Variants in SHQ1 observed in about 807,000 individuals in gnomAD.
SHQ1 encodes SHQ1, H/ACA ribonucleoprotein assembly factor, also known as protein SHQ1 homolog.
Under a neutral mutation model 53.8 loss-of-function variants are expected in SHQ1, and 49 were observed. The observed-to-expected ratio is 0.91, with a 90% CI of 0.72 to 1.16. The LOEUF is 1.16. SHQ1 is among the 50% of genes most tolerant of loss of function. The probability of loss-of-function intolerance (pLI) is 0.00; values close to 1 mark genes in which losing one functional copy is unlikely to be tolerated. For missense variants in SHQ1, 738 were observed against 683.1 expected, an observed-to-expected ratio of 1.08 and a Z score of -0.90; for synonymous variants, 243 against 251.0, an observed-to-expected ratio of 0.97 and a Z score of 0.30.
chr3:72,732,968 T>C, the SHQ1 span, among the ~76,000 whole-genome samples: 2 of 151,742 alleles, frequency 1.3e-5, 1 homozygote, highest in Non-Finnish European at 2.9e-5. Flanking sequence ...GCCCTGCTGA[T>C]ACTTGGCACC....
chr3:72,832,878 G>A (rs190464390), intron 4 of SHQ1, among the ~76,000 whole-genome samples: 4 of 152,264 alleles, frequency 2.6e-5, no homozygotes, highest in Admixed American at 2.0e-4. Context: ...ACATCTACAC[G>A]GTCTCTTCTT....
At chr3:72,739,715 A>G in the SHQ1 span, among the ~76,000 whole-genome samples, 3 of 152,260 alleles carry the variant, frequency 2.0e-5, no homozygotes, top group African/African-American at 7.2e-5. Flanking sequence ...GCTGGGAAGC[A>G]GAAGCCAAGA....
intron 8 of SHQ1, among the ~76,000 whole-genome samples, chr3:72,813,185 G>A (rs1048607187): frequency 6.6e-6 from 1 of 152,150 alleles, no homozygotes; most frequent in Non-Finnish European, 1.5e-5. Flanking sequence ...CAAAAATGTA[G>A]AACTCACCGG....
chr3:72,846,189 C>T, intron 1 of SHQ1: 1 of 1,533,050 alleles, frequency 6.5e-7, no homozygotes, highest in Non-Finnish European at 8.7e-7. Flanking sequence ...TAAATTCTTA[C>T]TGCAGAGAAA....
At chr3:72,781,067 T>C (rs1012212969) in intron 10 of SHQ1, among the ~76,000 whole-genome samples, 5 of 146,448 alleles carry the variant, frequency 3.4e-5, no homozygotes, top group African/African-American at 9.9e-5. Context: ...TTTTTTTTCT[T>C]TTTTTTTTTT....
At chr3:72,726,344 C>T in the SHQ1 span, among the ~76,000 whole-genome samples, 2 of 151,966 alleles carry the variant, frequency 1.3e-5, no homozygotes, top group Non-Finnish European at 2.9e-5. Flanking sequence ...CTCATGCTTA[C>T]GTTAGGCCCT....
chr3:72,846,381 GC>G (rs1029856520), intron 1 of SHQ1: 7 of 1,380,934 alleles, frequency 5.1e-6, no homozygotes, highest in Middle Eastern at 2.6e-4. Flanking sequence ...TGCAACCTTC[GC>G]CCCCCAGGTT....
intron 6 of SHQ1, among the ~76,000 whole-genome samples, chr3:72,817,810 TTAAAATTG>T (rs1707365639): frequency 6.6e-6 from 1 of 152,188 alleles, no homozygotes. Context: ...TATTAATCAA[TTAAAATTG>T]TTAAATTTAA....
Position 72,798,460 on chromosome 3 carries a change from C to G in SHQ1, c.1061-5424G>C, listed in dbSNP as rs115311470. ...CTTCGGGGAAAGACTAATGACAACA[C>G]AGAGAAACGTAATGACAAGATAAAG... On this transcript the variant is annotated intron_variant, in intron 9 of 10. Coordinates refer to ENST00000325599, the MANE Select transcript of SHQ1 (RefSeq NM_018130.3). Among the ~76,000 whole-genome samples the G allele has an allele frequency of 3.2e-3, 480 of 152,296 alleles. 7 individuals carry two copies. Among genetic ancestry groups the G allele is most frequent in the African/African-American group, 0.011 (452 of 41,554 alleles).
chr3:72,798,049 T>C (rs924112913), intron 9 of SHQ1, among the ~76,000 whole-genome samples: 5 of 152,188 alleles, frequency 3.3e-5, no homozygotes, highest in African/African-American at 9.6e-5. Flanking sequence ...ACGGTTCCTG[T>C]GGGGATCTAT....
At chr3:72,800,368 T>C (rs1440523647) in intron 9 of SHQ1, among the ~76,000 whole-genome samples, 2 of 152,220 alleles carry the variant, frequency 1.3e-5, no homozygotes, top group Non-Finnish European at 2.9e-5. Flanking sequence ...AGATACTTCA[T>C]ATAATTACAT....
At chr3:72,844,202 A>C (rs1389794387) in intron 2 of SHQ1, among the ~76,000 whole-genome samples, 157 bp downstream of exon 2, 4 of 152,226 alleles carry the variant, frequency 2.6e-5, no homozygotes, top group Non-Finnish European at 5.9e-5. Context: ...GGGGAACATC[A>C]ATAACAGGCA....
chr3:72,775,917 TATC>T (rs1559666344), intron 10 of SHQ1, among the ~76,000 whole-genome samples: 1 of 152,154 alleles, frequency 6.6e-6, no homozygotes. Context: ...CAAAAGCAAA[TATC>T]ATATTTAATG....
At chr3:72,824,596 G>T in intron 5 of SHQ1, 45 bp from the exon 6 acceptor site, 1 of 1,559,146 alleles carries the variant, frequency 6.4e-7, no homozygotes, top group South Asian at 1.2e-5. Context: ...GATTTCACTG[G>T]CTTTTACTTT....
intron 10 of SHQ1, among the ~76,000 whole-genome samples, chr3:72,789,454 C>A (rs1404299811): frequency 2.0e-5 from 3 of 152,056 alleles, no homozygotes; most frequent in Non-Finnish European, 2.9e-5. Flanking sequence ...GGGTTGGATA[C>A]CATGGAACTG....
chr3:72,835,088 C>G (rs1707947569), intron 4 of SHQ1, among the ~76,000 whole-genome samples: 3 of 151,336 alleles, frequency 2.0e-5, no homozygotes, highest in Non-Finnish European at 4.4e-5. Flanking sequence ...CATCATAATA[C>G]CATTCCTCCA....
intron 10 of SHQ1, among the ~76,000 whole-genome samples, chr3:72,781,287 C>T (rs1420316358): frequency 1.3e-5 from 2 of 151,976 alleles, no homozygotes; most frequent in Non-Finnish European, 2.9e-5. Context: ...AACTCTCGAC[C>T]CCAGGTGATC....
chr3:72,785,462 A>G (rs1459975451), intron 10 of SHQ1, among the ~76,000 whole-genome samples: 1 of 152,222 alleles, frequency 6.6e-6, no homozygotes, highest in African/African-American at 2.4e-5. Flanking sequence ...TCCACCTCTT[A>G]AAAAACAAAA....
chr3:72,736,864 T>A, the SHQ1 span, among the ~76,000 whole-genome samples: 1 of 150,628 alleles, frequency 6.6e-6, no homozygotes, highest in Non-Finnish European at 1.5e-5. Context: ...GTGGGATGGA[T>A]ATGGCCTCAG....
Sources: gnomAD v4.1 joint callset for allele counts (sites outside exome capture counted in the v4.1 genomes callset) on GRCh38, gnomAD v4.1.1 for gene constraint, MANE v1.5 for transcripts, NCBI Gene and HGNC (gene_info 2026-07-23, HGNC 2026-07-21) for gene names.